The following CSGALNACT1 variants were observed in gnomAD, a reference collection of about 807,000 sequenced individuals.
CSGALNACT1 encodes the protein chondroitin sulfate N-acetylgalactosaminyltransferase 1, also known as beta4GalNAcT-1.
A neutral mutation model predicts 51.0 loss-of-function variants in CSGALNACT1; 52 were observed. The observed-to-expected ratio is 1.02, with a 90% CI of 0.82 to 1.29. The LOEUF (loss-of-function observed/expected upper bound fraction) is 1.29, where lower values mean the gene tolerates loss of function less well. Ranked by LOEUF, CSGALNACT1 falls within the 50% of genes most tolerant of loss-of-function variation. The probability of loss-of-function intolerance (pLI) is 0.00; values close to 1 mark genes in which losing one functional copy is unlikely to be tolerated. For missense variants in CSGALNACT1, 935 were observed against 679.2 expected (o/e 1.38, Z -4.19); for synonymous variants, 341 against 254.4 (o/e 1.34, Z -3.24).
At chr8:19,749,525 C>T (rs114365621) in intron 1 of CSGALNACT1, among the ~76,000 whole-genome samples, 1,644 of 152,196 alleles carry the variant, frequency 0.011, 35 homozygotes, top group African/African-American at 0.038. Context: ...TTTGTAAAAT[C>T]CACTTTCCCT....
intron 3 of CSGALNACT1, among the ~76,000 whole-genome samples, chr8:19,571,484 A>C (rs2154110720): frequency 6.6e-6 from 1 of 152,160 alleles, no homozygotes. Context: ...AAAAAAAAAA[A>C]ACAGAACCAG....
Position 19,561,439 on chromosome 8 carries a change from G to A in CSGALNACT1, c.-297+29721C>T, listed in dbSNP as rs73214625. The stretch of plus-strand genomic sequence containing the variant: ...GAATAAGAAACAGATGAAAAATAAT[G>A]GTGGAGGTTGTTTCCTATGTATGAG... On this transcript the variant is annotated intron_variant, in intron 3 of 9. Coordinates refer to ENST00000454498, the Ensembl canonical transcript of CSGALNACT1. Among the ~76,000 whole-genome samples, 1,227 of 152,298 alleles carry A rather than the reference G, an allele frequency of 8.1e-3. 6 individuals are homozygous for A. Among genetic ancestry groups the A allele is most frequent in the Non-Finnish European group, 0.013 (868 of 68,018 alleles).
At chr8:19,551,362 A>G (rs925744294) in intron 3 of CSGALNACT1, among the ~76,000 whole-genome samples, 2 of 152,122 alleles carry the variant, frequency 1.3e-5, no homozygotes, top group Non-Finnish European at 2.9e-5. Flanking sequence ...TGTCAGGACA[A>G]CAGCACATGC....
At chr8:19,571,700 A>T (rs2043080845) in intron 3 of CSGALNACT1, among the ~76,000 whole-genome samples, 1 of 152,228 alleles carries the variant, frequency 6.6e-6, no homozygotes, top group East Asian at 1.9e-4. Context: ...CAGCTTTCCC[A>T]GCCAAAGCCC....
intron 1 of CSGALNACT1, among the ~76,000 whole-genome samples, chr8:19,713,975 A>T (rs1361731141): frequency 6.6e-6 from 1 of 152,172 alleles, no homozygotes; most frequent in African/African-American, 2.4e-5. Flanking sequence ...CCTGTGTCCT[A>T]CTTTACTCAA....
intron 1 of CSGALNACT1, among the ~76,000 whole-genome samples, chr8:19,743,854 T>C (rs2064470516): frequency 6.6e-6 from 1 of 152,242 alleles, no homozygotes; most frequent in African/African-American, 2.4e-5. Flanking sequence ...ACACATTTTT[T>C]AGAGGTTTCA....
chr8:19,742,520 C>T (rs1259748031), intron 1 of CSGALNACT1, among the ~76,000 whole-genome samples: 1 of 152,242 alleles, frequency 6.6e-6, no homozygotes, highest in African/African-American at 2.4e-5. Flanking sequence ...GAGACCTGGT[C>T]TGGCCCAGCT....
At chr8:19,458,770 C>G in intron 4 of CSGALNACT1, 128 bp from the exon 4 acceptor site, 1 of 894,912 alleles carries the variant, frequency 1.1e-6, no homozygotes, top group Non-Finnish European at 1.8e-6. Context: ...AACAATTATT[C>G]GAAAATTCAA....
chr8:19,561,484 C>G (rs1350416161), intron 3 of CSGALNACT1, among the ~76,000 whole-genome samples: 1 of 152,152 alleles, frequency 6.6e-6, no homozygotes, highest in African/African-American at 2.4e-5. Flanking sequence ...GAGGCCCCAC[C>G]AGGCTCTTCA....
chr8:19,473,346 G>A (rs1345822971), intron 4 of CSGALNACT1, among the ~76,000 whole-genome samples: 1 of 152,062 alleles, frequency 6.6e-6, no homozygotes, highest in Non-Finnish European at 1.5e-5. Flanking sequence ...CACTTACCAT[G>A]ACCTTTCATC....
intron 4 of CSGALNACT1, among the ~76,000 whole-genome samples, chr8:19,483,703 G>C (rs1240626416): frequency 6.6e-6 from 1 of 152,112 alleles, no homozygotes; most frequent in African/African-American, 2.4e-5. Flanking sequence ...CACCATCACT[G>C]ATCATCTGTT....
chr8:19,422,599 T>A (rs565250902), intron 6 of CSGALNACT1, among the ~76,000 whole-genome samples: 93 of 152,366 alleles, frequency 6.1e-4, no homozygotes, highest in African/African-American at 2.2e-3. Context: ...GGTGCCCCCA[T>A]TGCACATTTT....
chr8:19,434,534 T>A (rs1216046612), intron 6 of CSGALNACT1, among the ~76,000 whole-genome samples: 1 of 152,190 alleles, frequency 6.6e-6, no homozygotes, highest in Non-Finnish European at 1.5e-5. Context: ...ATAATAATCA[T>A]ACTCAGGAAA....
At chr8:19,467,279 C>A (rs2066925118) in intron 4 of CSGALNACT1, among the ~76,000 whole-genome samples, 1 of 151,986 alleles carries the variant, frequency 6.6e-6, no homozygotes, top group African/African-American at 2.4e-5. Context: ...GCCACCATGA[C>A]TGGCTAATTT....
chr8:19,592,749 G>A (rs1389299965), intron 2 of CSGALNACT1, among the ~76,000 whole-genome samples: 1 of 151,986 alleles, frequency 6.6e-6, no homozygotes, highest in Admixed American at 6.6e-5. Context: ...TGGCCTGGGG[G>A]ACAAAGACAG....
rs530919091 is a variant in CSGALNACT1, at chr8:19,576,951, C to T, written c.-297+14209G>A. 1.7e-3 allele frequency among the ~76,000 whole-genome samples: 263 copies of T among 152,192 alleles called. 2 individuals are homozygous for T. Among genetic ancestry groups the T allele is most frequent in the African/African-American group, 6.1e-3 (253 of 41,516 alleles). On this transcript the variant is annotated intron_variant, in intron 3 of 9. Coordinates refer to ENST00000454498, the Ensembl canonical transcript of CSGALNACT1. ...CCATCCAATAAGAAAACACACAGCT[C>T]GCTTACCCCCCTCTTAGACACCCCG...
intron 1 of CSGALNACT1, among the ~76,000 whole-genome samples, chr8:19,671,301 T>C (rs756920309): frequency 6.6e-6 from 1 of 152,180 alleles, no homozygotes; most frequent in Non-Finnish European, 1.5e-5. Flanking sequence ...TTGATTCTGC[T>C]CTCTTCAATC....
At position 19,636,206 on chromosome 8, in the gene CSGALNACT1, G is replaced by A. The variant is rs117308164; in HGVS notation, c.-543-34341C>T. On this transcript the variant is annotated intron_variant, in intron 1 of 9. Coordinates refer to the CSGALNACT1 transcript ENST00000332246. ...GTATTTTGAGAGAGTTAGAGAGAGAGAGATCAGTTTCACGTAACTTTTATT... is the reference window on the plus strand; with the variant it reads ...GTATTTTGAGAGAGTTAGAGAGAGAAAGATCAGTTTCACGTAACTTTTATT... Among the ~76,000 whole-genome samples, 1,227 of 152,140 alleles carry A rather than the reference G, an allele frequency of 8.1e-3. 7 individuals carry two copies. Among genetic ancestry groups the A allele is most frequent in the Non-Finnish European group, 0.013 (873 of 67,998 alleles).
intron 1 of CSGALNACT1, among the ~76,000 whole-genome samples, chr8:19,713,907 G>C (rs924112705): frequency 6.6e-6 from 1 of 152,208 alleles, no homozygotes; most frequent in Non-Finnish European, 1.5e-5. Context: ...GCCAAGCTGT[G>C]GTGAAAGGAA....
Sources: gnomAD v4.1 joint callset for allele counts (sites outside exome capture counted in the v4.1 genomes callset) on GRCh38, gnomAD v4.1.1 for gene constraint, MANE v1.5 for transcripts, NCBI Gene and HGNC (gene_info 2026-07-23, HGNC 2026-07-21) for gene names.